SHLD2: variants seen among roughly 807,000 people sequenced by gnomAD.
SHLD2 encodes the protein RINN1-REV7-interacting novel NHEJ regulator 2.
Under a neutral mutation model 73.2 loss-of-function variants are expected in SHLD2, and 30 were observed. That is an observed-to-expected ratio of 0.41 (90% CI 0.31 to 0.56). The LOEUF (loss-of-function observed/expected upper bound fraction) is 0.56, where lower values mean the gene tolerates loss of function less well. Among genes scored for constraint, SHLD2 ranks in the 20% least tolerant of loss-of-function variants. The pLI, the probability that SHLD2 is intolerant of heterozygous loss-of-function variation, is 0.28. For synonymous variants in SHLD2, 285 were observed against 370.1 expected (o/e 0.77, Z 2.64); for missense variants, 745 against 1,055.9 (o/e 0.71, Z 4.08).
chr10:87,170,312 A>G (rs1847502686), intron 4 of SHLD2, among the ~76,000 whole-genome samples, 166 bp from the exon 5 acceptor site: 1 of 152,248 alleles, frequency 6.6e-6, no homozygotes, highest in East Asian at 1.9e-4. Flanking sequence ...TTTTACATCT[A>G]AACTGATTCA....
chr10:87,185,334 T>C (rs1385657201), intron 8 of SHLD2, among the ~76,000 whole-genome samples: 2 of 152,218 alleles, frequency 1.3e-5, no homozygotes, highest in East Asian at 3.8e-4. Context: ...AATTGGGTTG[T>C]TTCTACTCTT....
intron 2 of SHLD2, among the ~76,000 whole-genome samples, chr10:87,120,910 T>C (rs1346552844): frequency 2.0e-5 from 3 of 151,792 alleles, no homozygotes; most frequent in Non-Finnish European, 4.4e-5. Flanking sequence ...ATTAGCTGGG[T>C]GTGGTGGTGC....
chr10:87,126,846 C>G (rs2046848690), intron 2 of SHLD2, among the ~76,000 whole-genome samples: 1 of 152,184 alleles, frequency 6.6e-6, no homozygotes, highest in African/African-American at 2.4e-5. Flanking sequence ...ATGGTTTGAA[C>G]AGTGCTATAT....
intron 8 of SHLD2, among the ~76,000 whole-genome samples, chr10:87,181,140 GGAGGCCGGGGTGGGGGGATCGCTT>G (rs1329016898): frequency 6.6e-6 from 1 of 151,652 alleles, no homozygotes; most frequent in African/African-American, 2.4e-5. Context: ...CAGCACTTTG[GGAGGCCGGGGTGGGGGGATCGCTT>G]GAGCCCAGGG....
At chr10:87,173,532 G>GA (rs1564611764) in intron 6 of SHLD2, among the ~76,000 whole-genome samples, 5 of 152,210 alleles carry the variant, frequency 3.3e-5, no homozygotes, top group East Asian at 1.9e-4. Context: ...AACAATGTGA[G>GA]AAAAAATAGA....
intron 2 of SHLD2, among the ~76,000 whole-genome samples, chr10:87,140,343 C>T (rs2134221155): frequency 6.8e-6 from 1 of 146,624 alleles, no homozygotes; most frequent in Non-Finnish European, 1.5e-5. Context: ...TTGCTTGAGC[C>T]AGGGAGATGT....
chr10:87,139,586 G>T lies in SHLD2; in HGVS notation c.-5-11764G>T, dbSNP rs188450494. Among the ~76,000 whole-genome samples, 35 of 152,276 alleles carry T rather than the reference G, an allele frequency of 2.3e-4. No individual in the cohort carries two copies. In the East Asian group the frequency reaches 6.4e-3, roughly 28 times the overall value. The stretch of plus-strand genomic sequence containing the variant: ...ATGAATGATAGATAAAAAGACACAA[G>T]CCAGATATGGTGACTCACGCCTACA... On this transcript the variant is annotated intron_variant, in intron 2 of 9. Coordinates refer to ENST00000298786, the MANE Select transcript of SHLD2 (RefSeq NM_001330112.2).
rs770690156 is a variant in SHLD2, at chr10:87,151,924, G to T, written c.570G>T (p.Gly190=). The T allele has an allele frequency of 4.3e-6, 7 of 1,611,066 alleles. No individual in the cohort carries two copies. Among genetic ancestry groups the T allele is most frequent in the Non-Finnish European group, 5.9e-6 (7 of 1,179,248 alleles). ...LVCSTEKINI[G]PEVVQRECVP... ...GTAGTACTGAAAAAATTAATATAGG[G>T]CCTGAAGTGGTACAAAGAGAGTGTG... The change falls in exon 3 of 10, where the codon GGG becomes GGT. Residue 190 remains glycine, a synonymous_variant. Coordinates refer to ENST00000298786, the MANE Select transcript of SHLD2 (RefSeq NM_001330112.2).
At position 87,127,529 on chromosome 10, in the gene SHLD2, GC is replaced by G. The variant is rs1225003390; in HGVS notation, c.-5-23812del. On this transcript the variant is annotated intron_variant, in intron 2 of 9. Transcript: ENST00000298786. Reference sequence around the variant, plus strand: ...AGAATGTTTTTTGTCCCTCTTACCCGCCCCCCCCCACCCCGTCTGCCACCCC... The same window carrying G: ...AGAATGTTTTTTGTCCCTCTTACCCGCCCCCCCCACCCCGTCTGCCACCCC... 8.2e-4 allele frequency among the ~76,000 whole-genome samples: 20 copies of G among 24,352 alleles called. 1 individual carries two copies. The highest frequency in any genetic ancestry group is 2.5e-3 in the Admixed American group (5 of 2,032). 16.0% of individuals were successfully genotyped at this position (24,352 alleles called of 152,430 possible).
chr10:87,100,138 C>A (rs372865317), intron 2 of SHLD2, among the ~76,000 whole-genome samples: 1 of 152,054 alleles, frequency 6.6e-6, no homozygotes, highest in Non-Finnish European at 1.5e-5. Context: ...TGTTTTCTTT[C>A]GATACTTATG....
chr10:87,173,248 G>A (rs1489423722), intron 6 of SHLD2, among the ~76,000 whole-genome samples: 12 of 151,686 alleles, frequency 7.9e-5, no homozygotes, highest in Non-Finnish European at 8.8e-5. Context: ...GGCTGGTCTC[G>A]AACTCCTGAT....
intron 2 of SHLD2, among the ~76,000 whole-genome samples, chr10:87,107,766 G>T (rs1000103772): frequency 2.0e-5 from 3 of 152,040 alleles, no homozygotes; most frequent in Non-Finnish European, 2.9e-5. Flanking sequence ...TTTGTGCAGT[G>T]GAAAACCCAA....
intron 2 of SHLD2, among the ~76,000 whole-genome samples, chr10:87,138,756 C>A (rs1844980767): frequency 6.6e-6 from 1 of 152,190 alleles, no homozygotes; most frequent in Non-Finnish European, 1.5e-5. Context: ...AATCATTCTC[C>A]TACAGTAAAC....
intron 4 of SHLD2, 46 bp from the exon 5 acceptor site, chr10:87,170,432 A>G: frequency 1.6e-6 from 2 of 1,269,538 alleles, no homozygotes; most frequent in East Asian, 2.3e-5. Context: ...GAAGAAAAAT[A>G]TAATGTTGCC....
chr10:87,111,365 G>T (rs1842907895), intron 2 of SHLD2, among the ~76,000 whole-genome samples: 1 of 151,950 alleles, frequency 6.6e-6, no homozygotes, highest in African/African-American at 2.4e-5. Context: ...ATGGGGGCCA[G>T]GCACAGTGCT....
chr10:87,163,134 AAG>A (rs1234895495), intron 4 of SHLD2, among the ~76,000 whole-genome samples: 1 of 152,114 alleles, frequency 6.6e-6, no homozygotes, highest in Non-Finnish European at 1.5e-5. Context: ...GCTGTACAAA[AAG>A]AATGAAAAAG....
At chr10:87,095,580 C>A (rs776844076) in intron 1 of SHLD2, among the ~76,000 whole-genome samples, 12 of 152,236 alleles carry the variant, frequency 7.9e-5, no homozygotes, top group Non-Finnish European at 1.5e-4. Flanking sequence ...CCAGCCAGGG[C>A]TGCAGAGAGC....
intron 2 of SHLD2, among the ~76,000 whole-genome samples, chr10:87,119,180 A>G (rs1843434771): frequency 6.7e-6 from 1 of 150,370 alleles, no homozygotes; most frequent in South Asian, 2.1e-4. Context: ...TGGTGTCATG[A>G]TACAGGTTAT....
rs985380954 is a variant in SHLD2 at position 87,191,057 on chromosome 10, T to C, written c.*374T>C. The C allele has an allele frequency of 8.4e-5, 21 of 251,296 alleles. No individual in the cohort carries two copies. Among genetic ancestry groups the C allele is most frequent in the African/African-American group, 4.6e-4 (20 of 43,706 alleles). 15.6% of individuals were successfully genotyped at this position (251,296 alleles called of 1,614,324 possible). On this transcript the variant is annotated 3_prime_UTR_variant, in exon 10 of 10. Coordinates refer to ENST00000298786, the MANE Select transcript of SHLD2 (RefSeq NM_001330112.2). ...ATTCCCTCAGAAACTGCTGCAGTGC[T>C]TTCGCTTATCCCTACCTAAAAAACC...
Sources: gnomAD v4.1 joint callset for allele counts (sites outside exome capture counted in the v4.1 genomes callset) on GRCh38, gnomAD v4.1.1 for gene constraint, MANE v1.5 for transcripts, NCBI Gene and HGNC (gene_info 2026-07-23, HGNC 2026-07-21) for gene names.